Variants in ABTB3 observed in about 807,000 individuals in gnomAD.
The protein encoded by ABTB3 is ankyrin repeat- and BTB/POZ domain-containing protein 3.
At chr12:107,628,343 AT>A in the ABTB3 span, among the ~76,000 whole-genome samples, 1 of 152,252 alleles carries the variant, frequency 6.6e-6, no homozygotes, top group Admixed American at 6.5e-5. Flanking sequence ...GGGTTTTACC[AT>A]GTTGGTCAGG....
chr12:107,600,928 A>G, the ABTB3 span, among the ~76,000 whole-genome samples: 1 of 152,168 alleles, frequency 6.6e-6, no homozygotes, highest in East Asian at 1.9e-4. Flanking sequence ...GCAAGGAAAG[A>G]CCTGCCCTGG....
At chr12:107,590,239 G>T in the ABTB3 span, among the ~76,000 whole-genome samples, 1 of 152,204 alleles carries the variant, frequency 6.6e-6, no homozygotes, top group African/African-American at 2.4e-5. Context: ...GATGCAAAAA[G>T]GCTTCTATAT....
chr12:107,600,894 G>C, the ABTB3 span, among the ~76,000 whole-genome samples: 9 of 152,322 alleles, frequency 5.9e-5, no homozygotes, highest in Middle Eastern at 3.4e-3. Flanking sequence ...CCAGGCTCTA[G>C]AACAATTGGA....
chr12:107,410,593 A>G, the ABTB3 span, among the ~76,000 whole-genome samples: 1 of 152,210 alleles, frequency 6.6e-6, no homozygotes, highest in Non-Finnish European at 1.5e-5. Context: ...GGGAATAGCC[A>G]TGGACTGGAC....
At chr12:107,453,506 T>A in the ABTB3 span, among the ~76,000 whole-genome samples, 2,840 of 152,246 alleles carry the variant, frequency 0.019, 39 homozygotes, top group Non-Finnish European at 0.023. Context: ...GGGCCAGGAA[T>A]CGGGCCCTTG....
At chr12:107,628,506 G>A in the ABTB3 span, among the ~76,000 whole-genome samples, 3 of 152,166 alleles carry the variant, frequency 2.0e-5, no homozygotes, top group Non-Finnish European at 2.9e-5. Flanking sequence ...GAAAGTAACA[G>A]TAATTCTACT....
the ABTB3 span, chr12:107,617,520 T>C: frequency 6.5e-7 from 1 of 1,531,510 alleles, no homozygotes; most frequent in Admixed American, 1.9e-5. Flanking sequence ...AGACCCATTG[T>C]CTCTCTGGAT....
At chr12:107,579,395 G>A in the ABTB3 span, among the ~76,000 whole-genome samples, 1 of 152,176 alleles carries the variant, frequency 6.6e-6, no homozygotes, top group African/African-American at 2.4e-5. Context: ...CTGACTCCCA[G>A]CTCTTGCTAG....
the ABTB3 span, among the ~76,000 whole-genome samples, chr12:107,607,237 A>G: frequency 6.6e-6 from 1 of 152,146 alleles, no homozygotes; most frequent in Non-Finnish European, 1.5e-5. Context: ...AAGTATTTTT[A>G]TTTGCTAAAT....
the ABTB3 span, among the ~76,000 whole-genome samples, chr12:107,401,536 AAAT>A: frequency 6.6e-6 from 1 of 152,250 alleles, no homozygotes; most frequent in Non-Finnish European, 1.5e-5. Flanking sequence ...AAAGAGACAG[AAAT>A]AATGGCACAG....
chr12:107,335,236 A>G, the ABTB3 span, among the ~76,000 whole-genome samples: 3 of 132,102 alleles, frequency 2.3e-5, no homozygotes, highest in Non-Finnish European at 4.7e-5. Flanking sequence ...GCAGTGAGCT[A>G]TGATCATGCC....
the ABTB3 span, among the ~76,000 whole-genome samples, chr12:107,600,564 CG>C: frequency 1.3e-5 from 2 of 152,302 alleles, no homozygotes; most frequent in South Asian, 4.2e-4. Context: ...CACAGCAGAA[CG>C]GGGCTGCATC....
chr12:107,630,654 C>T, the ABTB3 span, among the ~76,000 whole-genome samples: 5 of 151,954 alleles, frequency 3.3e-5, no homozygotes, highest in Admixed American at 6.6e-5. Flanking sequence ...GTTGCCTAGG[C>T]GGGCCCCGAG....
the ABTB3 span, among the ~76,000 whole-genome samples, chr12:107,364,618 C>T: frequency 3.9e-5 from 6 of 152,142 alleles, no homozygotes; most frequent in East Asian, 3.9e-4. Flanking sequence ...CTGAAGGCAG[C>T]GACACAAATC....
chr12:107,378,605 T>C, the ABTB3 span, among the ~76,000 whole-genome samples: 2 of 152,144 alleles, frequency 1.3e-5, no homozygotes, highest in Non-Finnish European at 2.9e-5. Flanking sequence ...CACCAGTTCA[T>C]GTTTTTGGCT....
chr12:107,515,487 A>G, the ABTB3 span, among the ~76,000 whole-genome samples: 1 of 152,158 alleles, frequency 6.6e-6, no homozygotes, highest in Non-Finnish European at 1.5e-5. Context: ...TCATGATTAT[A>G]TGGCACTTTT....
At chr12:107,509,953 C>A in the ABTB3 span, among the ~76,000 whole-genome samples, 27,403 of 152,034 alleles carry the variant, frequency 0.18, 3,080 homozygotes, top group East Asian at 0.29. Context: ...TATCGACTCC[C>A]TTCTCTGTGC....
chr12:107,378,267 G>A, the ABTB3 span, among the ~76,000 whole-genome samples: 2 of 152,296 alleles, frequency 1.3e-5, no homozygotes, highest in East Asian at 3.9e-4. Flanking sequence ...GGGGGATGAT[G>A]GGATTGCTTC....
the ABTB3 span, among the ~76,000 whole-genome samples, chr12:107,339,373 G>A: frequency 2.0e-5 from 3 of 152,206 alleles, no homozygotes; most frequent in Admixed American, 6.5e-5. Context: ...GGACTGCCCG[G>A]TGAGAGACAT....
Sources: allele counts gnomAD v4.1 joint callset (sites outside exome capture counted in the v4.1 genomes callset), GRCh38; gene constraint gnomAD v4.1.1; transcripts MANE v1.5; gene names NCBI Gene and HGNC (gene_info 2026-07-23, HGNC 2026-07-21).